Variants in TBC1D5 observed in about 807,000 individuals in gnomAD.
The protein encoded by TBC1D5 is TBC1 domain family member 5, also known as TBC1 domain family, member 5.
A neutral mutation model predicts 100.3 loss-of-function variants in TBC1D5; 75 were observed. That is an observed-to-expected ratio of 0.75 (90% CI 0.62 to 0.91). The LOEUF (loss-of-function observed/expected upper bound fraction) is 0.91, where lower values mean the gene tolerates loss of function less well. Ranked by LOEUF, TBC1D5 falls within the 40% of genes least tolerant of loss-of-function variation. The pLI is 0.00. For missense variants in TBC1D5, 910 were observed against 942.4 expected, an observed-to-expected ratio of 0.97 and a Z score of 0.45; for synonymous variants, 323 against 325.6, an observed-to-expected ratio of 0.99 and a Z score of 0.09.
chr3:17,643,159 T>C lies in TBC1D5; in HGVS notation c.-100-19246A>G, dbSNP rs971046207. Among the ~76,000 whole-genome samples the C allele has an allele frequency of 6.6e-5, 10 of 152,220 alleles. 1 individual carries two copies. In the South Asian group the frequency reaches 1.9e-3, roughly 28 times the overall value. On this transcript the variant is annotated intron_variant, in intron 1 of 21. Transcript: ENST00000253692. Reference sequence around the variant, plus strand: ...CTTCTCTTTCATGACTGTAATATTTTTTAAGAGTGCTAGTCCGTTATTTTG... The same window carrying C: ...CTTCTCTTTCATGACTGTAATATTTCTTAAGAGTGCTAGTCCGTTATTTTG...
rs903772497 is a variant in TBC1D5 at position 17,384,132 on chromosome 3, TGCCA to T, written c.510-121_510-118del. On this transcript the variant is annotated intron_variant, in intron 8 of 21. Coordinates refer to ENST00000253692, the Ensembl canonical transcript of TBC1D5. ...TCAGGTTTTAGAACAAGCCTGTGTT[TGCCA>T]TGTAACTTATGCCTTTAGTGGGGAC... The T allele has an allele frequency of 2.8e-5, 23 of 829,532 alleles. No individual in the cohort carries two copies. In the African/African-American group the frequency reaches 3.7e-4, roughly 13 times the overall value. 51.4% of individuals were successfully genotyped at this position (829,532 alleles called of 1,614,324 possible).
intron 1 of TBC1D5, among the ~76,000 whole-genome samples, chr3:17,635,493 C>T (rs2063826499): frequency 1.3e-5 from 2 of 151,922 alleles, no homozygotes; most frequent in African/African-American, 2.4e-5. Flanking sequence ...CCGTCCTGAC[C>T]AACATGGAGA....
chr3:17,225,831 G>A (rs989760282), intron 17 of TBC1D5, among the ~76,000 whole-genome samples: 3 of 152,044 alleles, frequency 2.0e-5, no homozygotes, highest in African/African-American at 7.3e-5. Flanking sequence ...GCAACAGAGT[G>A]GGACCCTGTC....
chr3:17,434,632 G>A (rs888009088), intron 3 of TBC1D5, among the ~76,000 whole-genome samples: 11 of 152,126 alleles, frequency 7.2e-5, no homozygotes, highest in African/African-American at 2.7e-4. Flanking sequence ...AGAACAGGGG[G>A]GCCCTGGGCC....
chr3:17,329,827 G>T (rs2086655114), intron 13 of TBC1D5, among the ~76,000 whole-genome samples: 2 of 152,070 alleles, frequency 1.3e-5, no homozygotes, highest in Admixed American at 6.6e-5. Flanking sequence ...TAGTACTTTG[G>T]ATTCTATCAC....
intron 4 of TBC1D5, among the ~76,000 whole-genome samples, chr3:17,422,733 T>C (rs894001004): frequency 6.6e-6 from 1 of 152,168 alleles, no homozygotes; most frequent in African/African-American, 2.4e-5. Flanking sequence ...AAAAGATATT[T>C]CCCGCATCCT....
intron 1 of TBC1D5, among the ~76,000 whole-genome samples, chr3:17,651,588 A>G (rs1343179711): frequency 6.6e-6 from 1 of 152,162 alleles, no homozygotes; most frequent in Non-Finnish European, 1.5e-5. Context: ...CTGTGATCCC[A>G]GCTACTCAGG....
chr3:17,737,345 G>A (rs1423780276), intron 1 of TBC1D5, among the ~76,000 whole-genome samples: 1 of 152,156 alleles, frequency 6.6e-6, no homozygotes, highest in African/African-American at 2.4e-5. Flanking sequence ...AAACACTCCT[G>A]CTTAACCAAC....
chr3:17,336,608 A>C (rs918870452), intron 13 of TBC1D5, among the ~76,000 whole-genome samples: 1 of 152,116 alleles, frequency 6.6e-6, no homozygotes, highest in Non-Finnish European at 1.5e-5. Context: ...CACCCACGTC[A>C]AGAAAGTAAA....
intron 2 of TBC1D5, among the ~76,000 whole-genome samples, chr3:17,610,466 C>T (rs966652613): frequency 2.0e-5 from 3 of 152,200 alleles, no homozygotes; most frequent in South Asian, 2.1e-4. Context: ...GGATTACGGG[C>T]ATGAGCCACT....
chr3:17,573,047 A>C (rs1460316953), intron 2 of TBC1D5, among the ~76,000 whole-genome samples: 1 of 152,100 alleles, frequency 6.6e-6, no homozygotes, highest in African/African-American at 2.4e-5. Context: ...TATCTCTTAC[A>C]GTAACTCATC....
intron 2 of TBC1D5, among the ~76,000 whole-genome samples, chr3:17,543,834 A>G (rs900721705): frequency 6.6e-6 from 1 of 151,970 alleles, no homozygotes; most frequent in Non-Finnish European, 1.5e-5. Context: ...TTCTGATTCA[A>G]TAGAGCTTAA....
rs1231479800 is a variant in TBC1D5 at position 17,310,320 on chromosome 3, A to G, written c.996-2186T>C. On this transcript the variant is annotated intron_variant, in intron 13 of 21. Coordinates refer to ENST00000253692, the Ensembl canonical transcript of TBC1D5. ...GTGTCAAATTGTTCACATATTTAATATCTCCAAAACTACACACAATGCATG... is the reference window on the plus strand; with the variant it reads ...GTGTCAAATTGTTCACATATTTAATGTCTCCAAAACTACACACAATGCATG... Among the ~76,000 whole-genome samples, 3 of 152,110 alleles carry G rather than the reference A, an allele frequency of 2.0e-5. No homozygotes were observed. In the East Asian group the frequency reaches 5.8e-4, roughly 29 times the overall value.
At chr3:17,472,746 G>T (rs542840075) in intron 3 of TBC1D5, among the ~76,000 whole-genome samples, 1 of 152,244 alleles carries the variant, frequency 6.6e-6, no homozygotes, top group African/African-American at 2.4e-5. Context: ...ACTGAAAGAA[G>T]AAATCAATGA....
intron 3 of TBC1D5, among the ~76,000 whole-genome samples, chr3:17,455,508 G>C (rs910769120): frequency 5.5e-5 from 7 of 126,232 alleles, no homozygotes; most frequent in African/African-American, 2.0e-4. Context: ...ATATATGTGT[G>C]TGTGTATATA....
rs1574973713 is a variant in TBC1D5, at chr3:17,254,249, A to G, written c.1331+4257T>C. Among the ~76,000 whole-genome samples the G allele has an allele frequency of 2.0e-5, 3 of 152,218 alleles. No individual in the cohort carries two copies. In the East Asian group the frequency reaches 5.8e-4, roughly 29 times the overall value. On this transcript the variant is annotated intron_variant, in intron 16 of 21. Coordinates refer to ENST00000253692, the Ensembl canonical transcript of TBC1D5. ...ATAAACACTTAGAAATTAAACTGCT[A>G]TATTACAGGATATATGTTTAACTTC...
intron 4 of TBC1D5, among the ~76,000 whole-genome samples, chr3:17,415,652 T>A (rs984198879): frequency 2.6e-5 from 4 of 152,108 alleles, no homozygotes; most frequent in African/African-American, 9.7e-5. Flanking sequence ...TATTAATAAT[T>A]TAAATATATG....
intron 2 of TBC1D5, among the ~76,000 whole-genome samples, chr3:17,522,298 C>T (rs2096071983): frequency 6.6e-6 from 1 of 152,008 alleles, no homozygotes; most frequent in Non-Finnish European, 1.5e-5. Flanking sequence ...AACACCAAAA[C>T]TGTTTAGGTT....
chr3:17,531,552 G>C (rs943504744), intron 2 of TBC1D5, among the ~76,000 whole-genome samples: 5 of 152,298 alleles, frequency 3.3e-5, no homozygotes, highest in African/African-American at 9.6e-5. Flanking sequence ...AAAGAACGAA[G>C]CTGGAGGCAT....
Sources: gnomAD v4.1 joint callset for allele counts (sites outside exome capture counted in the v4.1 genomes callset) on GRCh38, gnomAD v4.1.1 for gene constraint, MANE v1.5 for transcripts, NCBI Gene and HGNC (gene_info 2026-07-23, HGNC 2026-07-21) for gene names.